XKR4: variants seen among roughly 807,000 people sequenced by gnomAD.
The protein encoded by XKR4 is XK related 4, also known as XK-related protein 4.
Under a neutral mutation model 53.9 loss-of-function variants are expected in XKR4, and 12 were observed. The ratio of observed to expected loss-of-function variants is 0.22; its 90% CI spans 0.14 to 0.36. The LOEUF is 0.36. Among genes scored for constraint, XKR4 ranks in the 10% least tolerant of loss-of-function variants. XKR4 has a pLI of 1.00. For synonymous variants in XKR4, 354 were observed against 362.4 expected (o/e 0.98, Z 0.26); for missense variants, 799 against 859.5 (o/e 0.93, Z 0.88).
chr8:55,503,230 G>A (rs1038860299), intron 2 of XKR4, among the ~76,000 whole-genome samples: 10 of 152,098 alleles, frequency 6.6e-5, no homozygotes, highest in African/African-American at 2.4e-4. Context: ...TGTAAAAAAT[G>A]TCATTGTGAT....
chr8:55,426,885 A>T (rs146040829), intron 2 of XKR4, among the ~76,000 whole-genome samples: 2 of 152,314 alleles, frequency 1.3e-5, no homozygotes, highest in African/African-American at 4.8e-5. Flanking sequence ...CAGAGAGATA[A>T]AATTGATTTT....
intron 2 of XKR4, among the ~76,000 whole-genome samples, chr8:55,417,528 C>T (rs756611355): frequency 6.6e-6 from 1 of 152,124 alleles, no homozygotes; most frequent in Non-Finnish European, 1.5e-5. Context: ...GAGGAGAAAA[C>T]AAATTAATTG....
chr8:55,183,865 A>G (rs1361057594), intron 1 of XKR4, among the ~76,000 whole-genome samples: 1 of 152,070 alleles, frequency 6.6e-6, no homozygotes, highest in African/African-American at 2.4e-5. Flanking sequence ...GGATTTGCCT[A>G]TTTCTCTTTT....
At chr8:55,128,546 A>G (rs144250524) in intron 1 of XKR4, among the ~76,000 whole-genome samples, 22 of 152,348 alleles carry the variant, frequency 1.4e-4, no homozygotes, top group Non-Finnish European at 2.5e-4. Flanking sequence ...CAAGCCTTCA[A>G]AGTCAGTATT....
At position 55,239,439 on chromosome 8, in the gene XKR4, G is replaced by A. The variant is rs555431236; in HGVS notation, c.807-118239G>A. ...AATTTAGAAATGCCTCTTGCTCACT[G>A]AAAACCAAGTAGCATCTTTGCACTG... On this transcript the variant is annotated intron_variant, in intron 1 of 2. Coordinates refer to ENST00000327381, the MANE Select transcript of XKR4 (RefSeq NM_052898.2). Among the ~76,000 whole-genome samples the A allele has an allele frequency of 2.8e-4, 43 of 152,328 alleles. 1 individual carries two copies. The South Asian group carries it at 8.7e-3, about 31-fold the overall frequency.
At chr8:55,374,597 G>A (rs1377178418) in intron 2 of XKR4, among the ~76,000 whole-genome samples, 2 of 152,132 alleles carry the variant, frequency 1.3e-5, no homozygotes, top group South Asian at 4.1e-4. Flanking sequence ...AGAGAGAGGT[G>A]GGTGTATTGG....
At chr8:55,503,997 C>T (rs2658938) in intron 2 of XKR4, among the ~76,000 whole-genome samples, 95,844 of 151,810 alleles carry the variant, frequency 0.63, 31,944 homozygotes, top group East Asian at 0.86. Flanking sequence ...TGTTAATGTG[C>T]TGTATTACAT....
intron 2 of XKR4, among the ~76,000 whole-genome samples, chr8:55,494,324 TG>T (rs1291478816): frequency 3.0e-4 from 45 of 152,346 alleles, no homozygotes; most frequent in African/African-American, 1.1e-3. Flanking sequence ...GTCACAGCCC[TG>T]GCTTGGGGAG....
At chr8:55,375,660 C>T (rs1804134513) in intron 2 of XKR4, among the ~76,000 whole-genome samples, 1 of 151,954 alleles carries the variant, frequency 6.6e-6, no homozygotes, top group Non-Finnish European at 1.5e-5. Flanking sequence ...TACTTTTAGC[C>T]TTGACATTTT....
Position 55,493,169 on chromosome 8 carries a change from A to G in XKR4, c.1007-30112A>G, listed in dbSNP as rs180868837. Among the ~76,000 whole-genome samples the G allele has an allele frequency of 9.6e-4, 147 of 152,358 alleles. 1 individual carries two copies. Among genetic ancestry groups the G allele is most frequent in the African/African-American group, 3.5e-3 (144 of 41,588 alleles). On this transcript the variant is annotated intron_variant, in intron 2 of 2. Transcript: ENST00000327381. The stretch of plus-strand genomic sequence containing the variant: ...AAGTGATTTAAATTAAGGAATTAAG[A>G]GACAAAATGTGGGAGCTAAAGGAGC...
intron 2 of XKR4, among the ~76,000 whole-genome samples, chr8:55,413,046 C>A (rs915270181): frequency 6.6e-6 from 1 of 152,192 alleles, no homozygotes; most frequent in Non-Finnish European, 1.5e-5. Context: ...CAAATGAAAC[C>A]AGATTTACCC....
intron 1 of XKR4, among the ~76,000 whole-genome samples, chr8:55,321,936 C>G (rs1172929901): frequency 1.3e-5 from 2 of 152,180 alleles, no homozygotes; most frequent in African/African-American, 2.4e-5. Context: ...TTGCAGCGAG[C>G]CGAGATCATG....
At chr8:55,259,977 G>A (rs1352631595) in intron 1 of XKR4, among the ~76,000 whole-genome samples, 1 of 123,782 alleles carries the variant, frequency 8.1e-6, no homozygotes, top group African/African-American at 3.1e-5. Context: ...TCTTCTTTCT[G>A]TGTTCACCTT....
intron 1 of XKR4, among the ~76,000 whole-genome samples, chr8:55,302,354 T>C (rs1203736171): frequency 1.5e-4 from 22 of 151,224 alleles, no homozygotes; most frequent in South Asian, 6.2e-4. Context: ...CATTGATCTA[T>C]ATCTCTGTTT....
intron 1 of XKR4, chr8:55,142,218 C>T: frequency 2.2e-6 from 1 of 455,848 alleles, no homozygotes; most frequent in East Asian, 6.9e-5. Flanking sequence ...AACGGCAGAA[C>T]TTCATGTCAT....
intron 1 of XKR4, among the ~76,000 whole-genome samples, chr8:55,171,351 T>C (rs1290487352): frequency 6.6e-6 from 1 of 152,236 alleles, no homozygotes; most frequent in East Asian, 1.9e-4. Context: ...AGATGAGGCT[T>C]GGGGACAGGC....
At chr8:55,259,558 G>A (rs1818487586) in intron 1 of XKR4, among the ~76,000 whole-genome samples, 1 of 152,082 alleles carries the variant, frequency 6.6e-6, no homozygotes. Context: ...CTGAGAGGCT[G>A]GAGTGCATGG....
chr8:55,159,635 G>A lies in XKR4; in HGVS notation c.806+56341G>A, dbSNP rs572237828. 2.0e-4 allele frequency among the ~76,000 whole-genome samples: 30 copies of A among 152,168 alleles called. 2 individuals carry two copies. The highest frequency in any genetic ancestry group is 5.9e-5 in the Non-Finnish European group (4 of 68,032). On this transcript the variant is annotated intron_variant, in intron 1 of 2. Coordinates refer to ENST00000327381, the MANE Select transcript of XKR4 (RefSeq NM_052898.2). The stretch of plus-strand genomic sequence containing the variant: ...GAGAACATGGGATGAGGAATGACTT[G>A]TAAACATCAAGTACAAATGACCCTA...
intron 1 of XKR4, among the ~76,000 whole-genome samples, chr8:55,281,143 G>A (rs1451879811): frequency 2.0e-5 from 3 of 152,136 alleles, no homozygotes; most frequent in Non-Finnish European, 4.4e-5. Flanking sequence ...GAACTTCCTT[G>A]GGTTTTAGTC....
Sources: allele counts gnomAD v4.1 joint callset (sites outside exome capture counted in the v4.1 genomes callset), GRCh38; gene constraint gnomAD v4.1.1; transcripts MANE v1.5; gene names NCBI Gene and HGNC (gene_info 2026-07-23, HGNC 2026-07-21).